DOCK11: variants seen among roughly 807,000 people sequenced by gnomAD.
DOCK11 encodes dedicator of cytokinesis protein 11.
A neutral mutation model predicts 169.1 loss-of-function variants in DOCK11; 70 were observed. The observed-to-expected ratio is 0.41, with a 90% CI of 0.34 to 0.51. The LOEUF (loss-of-function observed/expected upper bound fraction) is 0.51. DOCK11 is among the 20% of genes least tolerant of loss of function. DOCK11 has a pLI of 0.10. For synonymous variants in DOCK11, 529 were observed against 541.3 expected (o/e 0.98, Z 0.32); for missense variants, 1,166 against 1,538.8 (o/e 0.76, Z 4.05).
At chrX:118,578,746 T>C (rs2013534465) in intron 13 of DOCK11, 99 bp downstream of exon 13, 2 of 832,592 alleles carry the variant, frequency 2.4e-6, no homozygotes, top group Admixed American at 6.9e-5. Flanking sequence ...CTATATATTC[T>C]GAAAACATTG....
chrX:118,629,695 C>G (rs2015188832), intron 34 of DOCK11, among the ~76,000 whole-genome samples: 1 of 110,458 alleles, frequency 9.1e-6, no homozygotes, highest in South Asian at 3.8e-4. Flanking sequence ...GTCACCCAGG[C>G]TGGAGTGCAG....
chrX:118,565,682 C>T (rs1451329865), intron 7 of DOCK11, among the ~76,000 whole-genome samples: 1 of 111,835 alleles, frequency 8.9e-6, no homozygotes, highest in Non-Finnish European at 1.9e-5. Flanking sequence ...TGTTTGCTTA[C>T]TTTTATGGTG....
chrX:118,502,795 A>T (rs1355124797), intron 1 of DOCK11, among the ~76,000 whole-genome samples: 1 of 110,355 alleles, frequency 9.1e-6, no homozygotes, highest in Non-Finnish European at 1.9e-5. Context: ...CAAACAAAAA[A>T]ACAGTATTCC....
At chrX:118,638,363 C>T (rs1313844670) in intron 37 of DOCK11, among the ~76,000 whole-genome samples, 3 of 112,005 alleles carry the variant, frequency 2.7e-5, no homozygotes, top group African/African-American at 9.7e-5. Context: ...AGATGCTTAT[C>T]TTTTCTAAAG....
Position 118,685,680 on chromosome X carries a change from T to C in DOCK11, c.6103-8T>C. ...TCATGATAATCATGCTGATTTCTTCTGTTTTAGATATTACAAGAAGACACA... is the reference window on the plus strand; with the variant it reads ...TCATGATAATCATGCTGATTTCTTCCGTTTTAGATATTACAAGAAGACACA... On this transcript the variant is annotated splice_polypyrimidine_tract_variant and splice_region_variant and intron_variant, in intron 52 of 52. Transcript: ENST00000276202. 2 of 1,203,255 alleles carry C rather than the reference T, an allele frequency of 1.7e-6. No individual in the cohort carries two copies. Among genetic ancestry groups the C allele is most frequent in the East Asian group, 3.0e-5 (1 of 33,595 alleles).
chrX:118,605,493 A>G lies in DOCK11; in HGVS notation c.2681+137A>G, dbSNP rs185102470. On this transcript the variant is annotated intron_variant, in intron 24 of 52. Coordinates refer to ENST00000276202, the MANE Select transcript of DOCK11 (RefSeq NM_144658.4). ...ATAGGTTTTGGTATGTTGTGTTTTC[A>G]TTGTCATTTGTCTCAAGATATTTTA... is the stretch of plus-strand genomic sequence containing the variant. 1.8e-5 allele frequency: 7 copies of G among 395,484 alleles called. No homozygotes were observed. The East Asian group carries it at 1.9e-4, about 11-fold the overall frequency. The allele number at this position is 395,484 out of a possible 1,213,427, so 32.6% of individuals were successfully genotyped here. A position where few individuals can be genotyped will look rare whatever the true frequency, so the allele number is the denominator to read the frequency against.
intron 6 of DOCK11, among the ~76,000 whole-genome samples, chrX:118,559,860 A>G (rs1160356680): frequency 1.8e-5 from 2 of 111,753 alleles, no homozygotes; most frequent in African/African-American, 3.3e-5. Context: ...GAATATATGT[A>G]TATATTCTCA....
At chrX:118,651,677 G>GT (rs2015950028) in intron 41 of DOCK11, among the ~76,000 whole-genome samples, 1 of 111,931 alleles carries the variant, frequency 8.9e-6, no homozygotes, top group Admixed American at 9.5e-5. Flanking sequence ...CATTGTATCA[G>GT]TTCACTATTA....
At position 118,544,645 on chromosome X, in the gene DOCK11, C is replaced by CTTTTTTTTTTTTTTTTTTTTTTTT. The variant is rs1157804079; in HGVS notation, c.393-669_393-646dup. On this transcript the variant is annotated intron_variant, in intron 4 of 52. Coordinates refer to ENST00000276202, the MANE Select transcript of DOCK11 (RefSeq NM_144658.4). ...TGCAAGAGCCAGAATTACACTGTTG[C>CTTTTTTTTTTTTTTTTTTTTTTTT]TTTTTTTTTTTTTTTTTTTTTTTTT... 1.7e-4 allele frequency among the ~76,000 whole-genome samples: 4 copies of CTTTTTTTTTTTTTTTTTTTTTTTT among 23,363 alleles called. 1 individual carries two copies. The highest frequency in any genetic ancestry group is 2.9e-4 in the Non-Finnish European group (4 of 13,900). 20.3% of individuals were successfully genotyped at this position (23,363 alleles called of 115,157 possible). A position where few individuals can be genotyped will look rare whatever the true frequency, so the allele number is the denominator to read the frequency against.
At chrX:118,573,657 A>G (rs997544468) in intron 11 of DOCK11, 149 bp from the exon 12 acceptor site, 1 of 464,497 alleles carries the variant, frequency 2.2e-6, no homozygotes, top group Non-Finnish European at 3.7e-6. Flanking sequence ...CAGATAAGCC[A>G]TAATATAATT....
At chrX:118,521,055 T>A (rs1360875479) in intron 1 of DOCK11, among the ~76,000 whole-genome samples, 1 of 111,651 alleles carries the variant, frequency 9.0e-6, no homozygotes, top group Non-Finnish European at 1.9e-5. Context: ...TCCCTCAGGT[T>A]CCGGTCTCTC....
chrX:118,617,219 C>T (rs1288753796), intron 30 of DOCK11, among the ~76,000 whole-genome samples: 2 of 111,535 alleles, frequency 1.8e-5, no homozygotes, highest in Non-Finnish European at 3.8e-5. Context: ...TGGCTGGGCG[C>T]GATGGCTAAC....
At chrX:118,586,669 G>T (rs1361518931) in intron 16 of DOCK11, among the ~76,000 whole-genome samples, 1 of 111,877 alleles carries the variant, frequency 8.9e-6, no homozygotes. Context: ...GAGAAAGAGA[G>T]CCAGCATGTG....
chrX:118,623,328 G>A (rs1025129070), intron 31 of DOCK11, among the ~76,000 whole-genome samples: 1 of 112,805 alleles, frequency 8.9e-6, no homozygotes, highest in African/African-American at 3.2e-5. Flanking sequence ...AAAGGGCAGA[G>A]CTATACCTAG....
chrX:118,627,575 C>T lies in DOCK11; in HGVS notation c.3660C>T (p.Asp1220=). ...GAGGGAGTCTGAGCACTGACAAAGA[C>T]ACCGGTAATTAAACCTTTTGGAGAT... ...ANRGSLSTDK[D]TAYGSFQNGH... is the part of the protein sequence containing the mutation. The change falls in exon 33 of 53, where the codon GAC becomes GAT. Residue 1220 remains aspartate, a synonymous_variant. Transcript: ENST00000276202. The T allele has an allele frequency of 8.3e-7, 1 of 1,202,092 alleles. No individual in the cohort carries two copies. Among genetic ancestry groups the T allele is most frequent in the Non-Finnish European group, 1.1e-6 (1 of 887,095 alleles).
chrX:118,567,277 A>T (rs2013109456), intron 9 of DOCK11, among the ~76,000 whole-genome samples: 2 of 111,081 alleles, frequency 1.8e-5, no homozygotes, highest in Admixed American at 1.9e-4. Context: ...ATCATTGCCA[A>T]ATCTATTTAT....
At chrX:118,617,160 G>A (rs1475551225) in intron 30 of DOCK11, among the ~76,000 whole-genome samples, 2 of 111,565 alleles carry the variant, frequency 1.8e-5, no homozygotes, top group East Asian at 2.8e-4. Context: ...TAAATAGCAC[G>A]GGAGAGGAAA....
rs1157804079 is a variant in DOCK11, at chrX:118,544,645, C to CTTTTTTTT, written c.393-653_393-646dup. On this transcript the variant is annotated intron_variant, in intron 4 of 52. Coordinates refer to ENST00000276202, the MANE Select transcript of DOCK11 (RefSeq NM_144658.4). ...TGCAAGAGCCAGAATTACACTGTTG[C>CTTTTTTTT]TTTTTTTTTTTTTTTTTTTTTTTTT... Among the ~76,000 whole-genome samples the CTTTTTTTT allele has an allele frequency of 4.0e-3, 93 of 23,361 alleles. 25 individuals carry two copies. The highest frequency in any genetic ancestry group is 5.8e-3 in the Non-Finnish European group (81 of 13,898). 20.3% of individuals were successfully genotyped at this position (23,361 alleles called of 115,157 possible). A position where few individuals can be genotyped will look rare whatever the true frequency, so the allele number is the denominator to read the frequency against.
intron 1 of DOCK11, among the ~76,000 whole-genome samples, chrX:118,520,867 G>A (rs774570370): frequency 1.8e-3 from 204 of 111,845 alleles, no homozygotes; most frequent in African/African-American, 6.4e-3. Flanking sequence ...CTGCTTGTGC[G>A]TGGTTAGTCA....
Sources: allele counts gnomAD v4.1 joint callset (sites outside exome capture counted in the v4.1 genomes callset), GRCh38; gene constraint gnomAD v4.1.1; transcripts MANE v1.5; gene names NCBI Gene and HGNC (gene_info 2026-07-23, HGNC 2026-07-21).